VSTM5: variants seen among roughly 807,000 people sequenced by gnomAD.
The protein encoded by VSTM5 is V-set and transmembrane domain containing 5.
A neutral mutation model predicts 20.3 loss-of-function variants in VSTM5; 21 were observed. The observed-to-expected ratio is 1.03, with a 90% CI of 0.73 to 1.49. VSTM5 has a LOEUF of 1.49. VSTM5 is among the 40% of genes most tolerant of loss of function. VSTM5 has a pLI of 0.00. For synonymous variants in VSTM5, 100 were observed against 102.5 expected (o/e 0.98, Z 0.14); for missense variants, 219 against 250.0 (o/e 0.88, Z 0.84).
At chr11:93,824,017 C>A (rs1295549761) in intron 1 of VSTM5, among the ~76,000 whole-genome samples, 2 of 151,946 alleles carry the variant, frequency 1.3e-5, no homozygotes, top group Non-Finnish European at 2.9e-5. Context: ...AAGTGATTCT[C>A]CTGTCTCAGC....
intron 1 of VSTM5, among the ~76,000 whole-genome samples, chr11:93,839,808 G>C (rs946339521): frequency 6.6e-6 from 1 of 152,172 alleles, no homozygotes; most frequent in Non-Finnish European, 1.5e-5. Context: ...GTCCTAACCA[G>C]AACTCAGAAC....
chr11:93,845,294 G>A (rs1944404784), intron 1 of VSTM5, among the ~76,000 whole-genome samples: 1 of 152,164 alleles, frequency 6.6e-6, no homozygotes, highest in Non-Finnish European at 1.5e-5. Flanking sequence ...TACACCACTG[G>A]GATTGGCATG....
intron 1 of VSTM5, among the ~76,000 whole-genome samples, chr11:93,829,358 C>A (rs1015421072): frequency 6.6e-6 from 1 of 152,090 alleles, no homozygotes; most frequent in African/African-American, 2.4e-5. Flanking sequence ...GAAACCCTGT[C>A]TCTACTGAAA....
intron 1 of VSTM5, among the ~76,000 whole-genome samples, chr11:93,822,381 C>T (rs1156909179): frequency 6.6e-6 from 1 of 150,964 alleles, no homozygotes; most frequent in Non-Finnish European, 1.5e-5. Flanking sequence ...TGCACCCAGC[C>T]ATCTCCTTTT....
At chr11:93,833,378 A>C (rs893897545) in intron 1 of VSTM5, among the ~76,000 whole-genome samples, 7 of 152,132 alleles carry the variant, frequency 4.6e-5, no homozygotes, top group Non-Finnish European at 1.0e-4. Flanking sequence ...TAGGAGTTCA[A>C]GACCAGCCTA....
intron 1 of VSTM5, among the ~76,000 whole-genome samples, chr11:93,849,740 A>G (rs965183918): frequency 6.6e-6 from 1 of 152,260 alleles, no homozygotes; most frequent in Non-Finnish European, 1.5e-5. Flanking sequence ...TTTGTGTCCA[A>G]GAGAGCCTCT....
chr11:93,826,426 C>A (rs1944238753), intron 1 of VSTM5, among the ~76,000 whole-genome samples: 3 of 151,006 alleles, frequency 2.0e-5, no homozygotes, highest in Non-Finnish European at 2.9e-5. Context: ...GAGATGGAGT[C>A]TTGCTCTGTT....
chr11:93,850,520 C>T lies in VSTM5; in HGVS notation c.-18G>A, dbSNP rs1217478910. 2.6e-6 allele frequency: 4 copies of T among 1,544,376 alleles called. No homozygotes were observed. Among genetic ancestry groups the T allele is most frequent in the East Asian group, 4.9e-5 (2 of 40,668 alleles). ...GGCCTCATGGGCGAGCCCGGGGCCT[C>T]GCGGGCCGGGGTGTGTGCTGGCCGC... On this transcript the variant is annotated 5_prime_UTR_variant, in exon 1 of 4. Coordinates refer to ENST00000409977, the MANE Select transcript of VSTM5 (RefSeq NM_001144871.2).
chr11:93,836,698 G>C (rs961106561), intron 1 of VSTM5, among the ~76,000 whole-genome samples: 3 of 152,178 alleles, frequency 2.0e-5, no homozygotes, highest in African/African-American at 4.8e-5. Flanking sequence ...AACTATCACA[G>C]TTTGTAAGTA....
intron 1 of VSTM5, among the ~76,000 whole-genome samples, chr11:93,848,816 C>T (rs1436066494): frequency 6.6e-6 from 1 of 152,294 alleles, no homozygotes; most frequent in Non-Finnish European, 1.5e-5. Flanking sequence ...ATGAATTATA[C>T]GCTATTGCAA....
At chr11:93,824,925 T>C (rs116448051) in intron 1 of VSTM5, among the ~76,000 whole-genome samples, 1,602 of 152,366 alleles carry the variant, frequency 0.011, 27 homozygotes, top group African/African-American at 0.037. Flanking sequence ...AAGAGACTCC[T>C]TTCTTCATTG....
At chr11:93,842,843 T>C (rs1944381511) in intron 1 of VSTM5, among the ~76,000 whole-genome samples, 1 of 152,226 alleles carries the variant, frequency 6.6e-6, no homozygotes, top group Non-Finnish European at 1.5e-5. Context: ...GGCTCATGCC[T>C]GTAATCCCAG....
intron 1 of VSTM5, among the ~76,000 whole-genome samples, chr11:93,827,954 A>G (rs2135732097): frequency 6.6e-6 from 1 of 152,308 alleles, no homozygotes; most frequent in Non-Finnish European, 1.5e-5. Context: ...TGTTAACAGG[A>G]ATTGCCCCTC....
chr11:93,845,078 T>C (rs545207701), intron 1 of VSTM5, among the ~76,000 whole-genome samples: 5 of 152,304 alleles, frequency 3.3e-5, no homozygotes, highest in South Asian at 2.1e-4. Context: ...TTCCATAGGA[T>C]CAGACTAATG....
chr11:93,823,204 C>CTT lies in VSTM5; in HGVS notation c.92-1883_92-1882dup, dbSNP rs67984385. On this transcript the variant is annotated intron_variant, in intron 1 of 3. Coordinates refer to ENST00000409977, the MANE Select transcript of VSTM5 (RefSeq NM_001144871.2). Reference sequence around the variant, plus strand: ...ACCAGAGAAACCTCTTTTTCCTTTTCTTTTTTTTTTTGGTAGAGATGAGGT... The same window carrying CTT: ...ACCAGAGAAACCTCTTTTTCCTTTTCTTTTTTTTTTTTTGGTAGAGATGAGGT... Among the ~76,000 whole-genome samples the CTT allele has an allele frequency of 7.5e-3, 1,118 of 148,750 alleles. 23 individuals carry two copies. The highest frequency in any genetic ancestry group is 0.026 in the African/African-American group (1,073 of 40,676).
Position 93,820,792 on chromosome 11 carries a change from AC to A in VSTM5, c.509del (p.Cys170LeufsTer37), listed in dbSNP as rs1211640438. ...AAVLISLMWVCNKCAYKFQRK... is the reference protein window; with the variant it reads ...AAVLISLMWVXNKCAYKFQRK... Reference sequence around the variant, plus strand: ...TCTGAAATTTATATGCACACTTATTACAAACCCACATGAGGCTGATTAATAC... The same window carrying A: ...TCTGAAATTTATATGCACACTTATTAAAACCCACATGAGGCTGATTAATAC... On this transcript the variant is annotated frameshift_variant, in exon 3 of 4. Transcript: ENST00000409977. LOFTEE classifies it high-confidence loss of function. The A allele has an allele frequency of 2.6e-6, 4 of 1,551,514 alleles. No individual in the cohort carries two copies. In the South Asian group the frequency reaches 4.8e-5, roughly 18 times the overall value.
At chr11:93,826,588 A>T (rs1944240892) in intron 1 of VSTM5, among the ~76,000 whole-genome samples, 1 of 151,774 alleles carries the variant, frequency 6.6e-6, no homozygotes, top group Non-Finnish European at 1.5e-5. Context: ...TTTAGTAGAG[A>T]CGGGGTTTCA....
At position 93,850,512 on chromosome 11, in the gene VSTM5, C is replaced by G. The variant is rs774426243; in HGVS notation, c.-10G>C. 2.6e-6 allele frequency: 4 copies of G among 1,546,116 alleles called. No homozygotes were observed. Among genetic ancestry groups the G allele is most frequent in the Non-Finnish European group, 3.5e-6 (4 of 1,144,616 alleles). The stretch of plus-strand genomic sequence containing the variant: ...TGGGCAGAGGCCTCATGGGCGAGCC[C>G]GGGGCCTCGCGGGCCGGGGTGTGTG... On this transcript the variant is annotated 5_prime_UTR_variant, in exon 1 of 4. Coordinates refer to ENST00000409977, the MANE Select transcript of VSTM5 (RefSeq NM_001144871.2).
At chr11:93,831,742 C>T (rs1039843643) in intron 1 of VSTM5, among the ~76,000 whole-genome samples, 3 of 152,206 alleles carry the variant, frequency 2.0e-5, no homozygotes, top group Admixed American at 1.3e-4. Flanking sequence ...AGGAAAATCA[C>T]TCGAAAATGG....
Sources: gnomAD v4.1 joint callset for allele counts (sites outside exome capture counted in the v4.1 genomes callset) on GRCh38, gnomAD v4.1.1 for gene constraint, MANE v1.5 for transcripts, NCBI Gene and HGNC (gene_info 2026-07-23, HGNC 2026-07-21) for gene names.